PIEZO2: variants seen among roughly 807,000 people sequenced by gnomAD.
PIEZO2 encodes piezo-type mechanosensitive ion channel component 2.
Under a neutral mutation model 337.3 loss-of-function variants are expected in PIEZO2, and 172 were observed. That is an observed-to-expected ratio of 0.51 (90% confidence interval 0.45 to 0.58). The LOEUF (loss-of-function observed/expected upper bound fraction) is 0.58, where lower values mean the gene tolerates loss of function less well. PIEZO2 is among the 20% of genes least tolerant of loss of function. PIEZO2 has a pLI of 0.00. For missense variants in PIEZO2, 3,028 were observed against 3,391.3 expected (o/e 0.89, Z 2.66); for synonymous variants, 1,251 against 1,228.5 (o/e 1.02, Z -0.38).
chr18:10,997,719 T>C (rs972727907), intron 2 of PIEZO2, among the ~76,000 whole-genome samples: 6 of 152,028 alleles, frequency 3.9e-5, no homozygotes, highest in Non-Finnish European at 5.9e-5. Context: ...AATTACCCCA[T>C]CTGAAGAACA....
In PIEZO2 at chr18:11,101,530, A is replaced by T. The variant is rs547140361; in HGVS notation, c.65-35308T>A. On this transcript the variant is annotated intron_variant, in intron 1 of 55. Transcript: ENST00000674853. The surrounding 1 kb of genome is among the most constrained non-coding windows in gnomAD (Gnocchi z 4.4). The stretch of plus-strand genomic sequence containing the variant: ...GCACCAGTGAGAAAAAAAGCTGCCC[A>T]AAATTTAACATATCAATAATTCTTA... Among the ~76,000 whole-genome samples the T allele has an allele frequency of 1.0e-4, 16 of 152,390 alleles. No individual in the cohort carries two copies. The highest frequency in any genetic ancestry group is 3.8e-4 in the African/African-American group (16 of 41,602).
intron 14 of PIEZO2, among the ~76,000 whole-genome samples, chr18:10,790,572 T>A (rs1421446867): frequency 6.6e-6 from 1 of 152,240 alleles, no homozygotes; most frequent in Non-Finnish European, 1.5e-5. Context: ...AGAGAAGTTT[T>A]AAATGTGAAA....
chr18:10,807,541 TTACATCAG>T (rs1043069450), intron 7 of PIEZO2, among the ~76,000 whole-genome samples: 12 of 152,228 alleles, frequency 7.9e-5, no homozygotes, highest in African/African-American at 2.9e-4. Flanking sequence ...CAGAAGATCT[TTACATCAG>T]TTCAAAAATC....
At chr18:10,843,534 G>A (rs568821854) in intron 7 of PIEZO2, among the ~76,000 whole-genome samples, 59 of 152,194 alleles carry the variant, frequency 3.9e-4, no homozygotes, top group African/African-American at 1.4e-3. Flanking sequence ...TTTGTGATAT[G>A]TCCATACATA....
intron 3 of PIEZO2, among the ~76,000 whole-genome samples, chr18:10,957,868 A>G (rs1555682418): frequency 6.6e-6 from 1 of 152,218 alleles, no homozygotes; most frequent in Non-Finnish European, 1.5e-5. Flanking sequence ...CTGAACAAAC[A>G]TTTCTCAGAA....
chr18:10,926,806 GAA>G (rs2031767147), intron 3 of PIEZO2, among the ~76,000 whole-genome samples: 1 of 152,176 alleles, frequency 6.6e-6, no homozygotes, highest in Non-Finnish European at 1.5e-5. Flanking sequence ...AGGCGTAATA[GAA>G]AGATTCTCAA....
At chr18:11,147,158 G>A (rs1011541968) in intron 1 of PIEZO2, among the ~76,000 whole-genome samples, 1 of 152,108 alleles carries the variant, frequency 6.6e-6, no homozygotes, top group Non-Finnish European at 1.5e-5. Context: ...GGGGAGAGAG[G>A]TGCATATCCG....
At position 10,836,629 on chromosome 18, in the gene PIEZO2, A is replaced by G. The variant is rs2041022592; in HGVS notation, c.917+18724T>C. 3.3e-5 allele frequency among the ~76,000 whole-genome samples: 5 copies of G among 152,366 alleles called. No homozygotes were observed. In the South Asian group the frequency reaches 8.3e-4, roughly 25 times the overall value. On this transcript the variant is annotated intron_variant, in intron 7 of 55. Transcript: ENST00000674853. ...AAAGTCACACCATAGGCCATGTCCT[A>G]TAATAGTTGGTCAAGAAATCCTGGC...
rs2041056928 is a variant in PIEZO2, at chr18:10,837,604, A to G, written c.917+17749T>C. Among the ~76,000 whole-genome samples, 1 of 152,238 alleles carries G rather than the reference A, an allele frequency of 6.6e-6. No individual in the cohort carries two copies. The highest frequency in any genetic ancestry group is 1.5e-5 in the Non-Finnish European group (1 of 68,050). Reference sequence around the variant, plus strand: ...GTACAATCTATGTAAGAAAAGGCCTAAAATCTAACTGTGGGTGGACAGAAC... The same window carrying G: ...GTACAATCTATGTAAGAAAAGGCCTGAAATCTAACTGTGGGTGGACAGAAC... On this transcript the variant is annotated intron_variant, in intron 7 of 55. Transcript: ENST00000674853. This position sits in a 1 kb window ranked among gnomAD's most constrained non-coding sequence, Gnocchi z 4.4.
intron 5 of PIEZO2, among the ~76,000 whole-genome samples, chr18:10,858,321 CAAAAAAAAAAAAAA>C (rs11361243): frequency 7.1e-5 from 4 of 56,364 alleles, no homozygotes; most frequent in Middle Eastern, 0.014. Flanking sequence ...GACTTCAACC[CAAAAAAAAAAAAAA>C]AAAAAAAAAA....
chr18:10,883,640 AT>A (rs1304336384), intron 4 of PIEZO2, among the ~76,000 whole-genome samples: 1 of 152,072 alleles, frequency 6.6e-6, no homozygotes, highest in African/African-American at 2.4e-5. Context: ...TCTCTAAGCA[AT>A]TTCCAAGAAT....
intron 1 of PIEZO2, among the ~76,000 whole-genome samples, chr18:11,139,360 G>A (rs1195141209): frequency 1.3e-5 from 2 of 152,154 alleles, no homozygotes; most frequent in Non-Finnish European, 2.9e-5. Context: ...AATAAAAGAA[G>A]GAGGAAGAGA....
At position 10,835,855 on chromosome 18, in the gene PIEZO2, C is replaced by T. The variant is rs558406795; in HGVS notation, c.917+19498G>A. ...GTTCTTACATTGATCATTTAAATTT[C>T]GAGTAATTTGTACTAAAGTCCAACT... On this transcript the variant is annotated intron_variant, in intron 7 of 55. Coordinates refer to ENST00000674853, the MANE Select transcript of PIEZO2 (RefSeq NM_001378183.1). Among the ~76,000 whole-genome samples, 31 of 152,316 alleles carry T rather than the reference C, an allele frequency of 2.0e-4. No individual in the cohort carries two copies. The East Asian group carries it at 3.5e-3, about 17-fold the overall frequency.
At chr18:10,970,048 C>T (rs907256514) in intron 3 of PIEZO2, among the ~76,000 whole-genome samples, 1 of 152,088 alleles carries the variant, frequency 6.6e-6, no homozygotes, top group African/African-American at 2.4e-5. Flanking sequence ...TGATCATATT[C>T]TAATGGGAGA....
intron 2 of PIEZO2, among the ~76,000 whole-genome samples, chr18:11,012,848 C>G (rs2035952542): frequency 6.6e-6 from 1 of 152,136 alleles, no homozygotes; most frequent in Non-Finnish European, 1.5e-5. Context: ...AGTTCGAGGC[C>G]AGCCTGGACA....
intron 47 of PIEZO2, among the ~76,000 whole-genome samples, chr18:10,693,144 C>G (rs2034925388): frequency 6.6e-6 from 1 of 152,020 alleles, no homozygotes; most frequent in Admixed American, 6.5e-5. Flanking sequence ...TTTTTAATGG[C>G]ATTGTAAATG....
chr18:10,861,815 C>T lies in PIEZO2; in HGVS notation c.493-4604G>A, dbSNP rs139863495. On this transcript the variant is annotated intron_variant, in intron 5 of 55. Coordinates refer to ENST00000674853, the MANE Select transcript of PIEZO2 (RefSeq NM_001378183.1). The surrounding 1 kb of genome is among the most constrained non-coding windows in gnomAD (Gnocchi z 4.3). ...GGTGGATCACCTGAGGTCAGGAGAT[C>T]GAGACCTGCCTGGACAACATGGTGA... 1.9e-3 allele frequency among the ~76,000 whole-genome samples: 288 copies of T among 152,230 alleles called. No individual in the cohort carries two copies. Among genetic ancestry groups the T allele is most frequent in the South Asian group, 3.5e-3 (17 of 4,814 alleles).
intron 36 of PIEZO2, among the ~76,000 whole-genome samples, chr18:10,720,403 GTATGTGTATGTGTATGTATATATATATA>G (rs1168099653): frequency 0.01 from 174 of 16,998 alleles, 8 homozygotes; most frequent in African/African-American, 0.021. Flanking sequence ...GTGTGTGTGT[GTATGTGTATGTGTATGTATATATATATA>G]TATATATATA....
Position 10,680,283 on chromosome 18 carries a change from C to CTGATG in PIEZO2, c.7863_7867dup (p.Ser2623ThrfsTer10). 6.2e-7 allele frequency: 1 copy of CTGATG among 1,614,052 alleles called. No individual in the cohort carries two copies. The highest frequency in any genetic ancestry group is 8.5e-7 in the Non-Finnish European group (1 of 1,179,916). On this transcript the variant is annotated frameshift_variant, in exon 52 of 56. Transcript: ENST00000674853. LOFTEE classifies it high-confidence loss of function. ...TATCATTTTCTGCTTACTGGGTGGGCTGATGGTCCACAAAGAATTTGAGTT... is the reference window on the plus strand; with the variant it reads ...TATCATTTTCTGCTTACTGGGTGGGCTGATGTGATGGTCCACAAAGAATTTGAGTT...
Sources: allele counts gnomAD v4.1 joint callset (sites outside exome capture counted in the v4.1 genomes callset), GRCh38; gene constraint gnomAD v4.1.1; non-coding constraint Gnocchi (gnomAD v3.1); transcripts MANE v1.5; gene names NCBI Gene and HGNC (gene_info 2026-07-23, HGNC 2026-07-21).